Variants in GGNBP2 observed in about 807,000 individuals in gnomAD.
GGNBP2 encodes gametogenetin binding protein 2.
A neutral mutation model predicts 85.9 loss-of-function variants in GGNBP2; 10 were observed. That is an observed-to-expected ratio of 0.12 (90% CI 0.07 to 0.20). The LOEUF (loss-of-function observed/expected upper bound fraction) is 0.20, where lower values mean the gene tolerates loss of function less well. Ranked by LOEUF, GGNBP2 falls within the 10% of genes least tolerant of loss-of-function variation. The probability of loss-of-function intolerance (pLI) is 1.00; values close to 1 mark genes in which losing one functional copy is unlikely to be tolerated. For synonymous variants in GGNBP2, 287 were observed against 285.7 expected (o/e 1.00, Z -0.05); for missense variants, 595 against 857.8 (o/e 0.69, Z 3.83).
At chr17:36,571,317 G>A (rs762923482) in intron 6 of GGNBP2, among the ~76,000 whole-genome samples, 7 of 151,702 alleles carry the variant, frequency 4.6e-5, no homozygotes, top group African/African-American at 1.5e-4. Flanking sequence ...TTTGGGAGGC[G>A]GAGGTGGGTG....
intron 6 of GGNBP2, chr17:36,574,912 G>A (rs1481586720): frequency 4.4e-6 from 4 of 908,212 alleles, no homozygotes; most frequent in Non-Finnish European, 5.2e-6. Flanking sequence ...CCTCCTTGGA[G>A]CACTTAACAC....
chr17:36,585,664 C>A, intron 10 of GGNBP2, 176 bp from the exon 11 acceptor site: 1 of 627,756 alleles, frequency 1.6e-6, no homozygotes, highest in Non-Finnish European at 2.6e-6. Context: ...AATTCCTAAT[C>A]ATATTTTCAT....
intron 6 of GGNBP2, chr17:36,574,942 G>A: frequency 1.7e-6 from 2 of 1,182,976 alleles, no homozygotes; most frequent in Middle Eastern, 2.2e-4. Flanking sequence ...TGTGGCCATT[G>A]TAGTCCACGA....
At chr17:36,557,058 C>A (rs369517510) in intron 3 of GGNBP2, 25 bp from the exon 4 acceptor site, 1 of 1,612,878 alleles carries the variant, frequency 6.2e-7, no homozygotes, top group Middle Eastern at 1.6e-4. Flanking sequence ...AAAGGACACT[C>A]TTTCATTTTC....
At chr17:36,571,392 ATACAAAAAT>A (rs1463086449) in intron 6 of GGNBP2, among the ~76,000 whole-genome samples, 2 of 152,114 alleles carry the variant, frequency 1.3e-5, no homozygotes, top group African/African-American at 4.8e-5. Flanking sequence ...TCTACTAAAA[ATACAAAAAT>A]TAGCCGGGCT....
intron 4 of GGNBP2, among the ~76,000 whole-genome samples, chr17:36,558,123 AAG>A (rs1162269572): frequency 2.7e-4 from 38 of 139,314 alleles, no homozygotes; most frequent in Admixed American, 2.6e-3. Context: ...AAAAGAAAAA[AAG>A]AAGAGCGACT....
chr17:36,583,540 C>G (rs1480688614), intron 9 of GGNBP2, among the ~76,000 whole-genome samples: 10 of 152,060 alleles, frequency 6.6e-5, no homozygotes, highest in Admixed American at 6.6e-4. Flanking sequence ...TTCACCGTAA[C>G]TTCCTCCTCC....
In GGNBP2 at chr17:36,545,783, G is replaced by A; in HGVS notation, c.59G>A (p.Arg20Lys). The change falls in exon 2 of 14, where the codon AGG (arginine) becomes AAG (lysine). Residue 20 changes from arginine to lysine, a missense_variant. By Grantham distance (26) the Arg-to-Lys change is conservative (BLOSUM62 2). Around this residue, in one of 9 missense-constraint regions of GGNBP2, gnomAD observed 216 missense variants for 293.4 expected, o/e 0.74. Transcript: ENST00000613102. Reference sequence around the variant, plus strand: ...GAGGAGGAGTTCCCCTTCGAGAGGAGGCAGATTCCCCTCTACATAGACGAC... The same window carrying A: ...GAGGAGGAGTTCCCCTTCGAGAGGAAGCAGATTCCCCTCTACATAGACGAC... ...DGEEEFPFER[R>K]QIPLYIDDTL... The A allele has an allele frequency of 6.3e-7, 1 of 1,579,166 alleles. No homozygotes were observed. The highest frequency in any genetic ancestry group is 8.6e-7 in the Non-Finnish European group (1 of 1,163,010).
At chr17:36,577,914 A>G (rs1460094654) in intron 6 of GGNBP2, 69 bp from the exon 7 acceptor site, 1 of 1,212,532 alleles carries the variant, frequency 8.2e-7, no homozygotes, top group Non-Finnish European at 1.2e-6. Context: ...ATCATCTAGT[A>G]CACTGTTATA....
chr17:36,584,650 T>G (rs552513570), intron 9 of GGNBP2, among the ~76,000 whole-genome samples: 1 of 152,280 alleles, frequency 6.6e-6, no homozygotes, highest in African/African-American at 2.4e-5. Context: ...ACATAGACTG[T>G]CAAAAAGATT....
chr17:36,546,176 T>A lies in GGNBP2; in HGVS notation c.93+359T>A, dbSNP rs1318491896. ...TACCCCATACAGAAACCACCTACCC[T>A]CGGGGAGGCTTAATTACCTGGTAAT... On this transcript the variant is annotated intron_variant, in intron 2 of 13. Coordinates refer to ENST00000613102, the MANE Select transcript of GGNBP2 (RefSeq NM_024835.5). 7 of 396,220 alleles carry A rather than the reference T, an allele frequency of 1.8e-5. No homozygotes were observed. In the East Asian group the frequency reaches 2.5e-4, roughly 14 times the overall value. The allele number at this position is 396,220 out of a possible 1,614,324, so 24.5% of individuals were successfully genotyped here.
intron 13 of GGNBP2, among the ~76,000 whole-genome samples, chr17:36,588,343 C>T (rs562923590): frequency 7.9e-5 from 12 of 152,160 alleles, no homozygotes; most frequent in East Asian, 5.8e-4. Flanking sequence ...TCGCAACCTC[C>T]GCCTCCCAGG....
chr17:36,557,754 A>G (rs923310675), intron 4 of GGNBP2, among the ~76,000 whole-genome samples: 1 of 152,200 alleles, frequency 6.6e-6, no homozygotes, highest in Non-Finnish European at 1.5e-5. Flanking sequence ...TGTTTGAGGA[A>G]TAGTAAGGAA....
intron 12 of GGNBP2, 131 bp from the exon 13 acceptor site, chr17:36,586,866 G>C (rs1050389342): frequency 2.3e-6 from 2 of 851,144 alleles, no homozygotes; most frequent in East Asian, 5.4e-5. Context: ...TGATCCACCT[G>C]CCTCGGCCTC....
rs755309763 is a variant in GGNBP2 at position 36,586,141 on chromosome 17, A to C, written c.1584A>C (p.Thr528=). 6.2e-7 allele frequency: 1 copy of C among 1,614,054 alleles called. No homozygotes were observed. Among genetic ancestry groups the C allele is most frequent in the Admixed American group, 1.7e-5 (1 of 60,008 alleles). ...GGGCAAATTCTGAAGAGAACGACAC[A>C]AAAGGAAAAAATAAAAAGAAGAAGA... ...ECWANSEEND[T]KGKNKKKKKK... is the part of the protein sequence containing the mutation. The change falls in exon 12 of 14, where the codon ACA becomes ACC. Residue 528 remains threonine, a synonymous_variant. Coordinates refer to ENST00000613102, the MANE Select transcript of GGNBP2 (RefSeq NM_024835.5).
At chr17:36,580,734 T>C (rs1003370233) in intron 8 of GGNBP2, among the ~76,000 whole-genome samples, 15 of 149,580 alleles carry the variant, frequency 1.0e-4, no homozygotes, top group African/African-American at 3.7e-4. Flanking sequence ...AACCTGGCCA[T>C]GATGGCGAAA....
chr17:36,582,573 A>G (rs2074661998), intron 9 of GGNBP2: 1 of 152,126 alleles, frequency 6.6e-6, no homozygotes, highest in Non-Finnish European at 1.5e-5. Context: ...GCTTTTTGCT[A>G]GATTTGGGCA....
At chr17:36,561,022 T>C (rs1175192665) in intron 5 of GGNBP2, 151 bp downstream of exon 5, 6 of 474,594 alleles carry the variant, frequency 1.3e-5, no homozygotes, top group Non-Finnish European at 2.2e-5. Context: ...CCTCTTGTTA[T>C]GTTGGCCATT....
rs940324629 is a variant in GGNBP2, at chr17:36,567,681, A to G, written c.546A>G (p.Val182=). The G allele has an allele frequency of 8.2e-6, 13 of 1,592,446 alleles. No homozygotes were observed. The African/African-American group carries it at 1.1e-4, about 13-fold the overall frequency. The change falls in exon 6 of 14, where the codon GTA becomes GTG. Residue 182 remains valine (V), a synonymous_variant. Coordinates refer to ENST00000613102, the MANE Select transcript of GGNBP2 (RefSeq NM_024835.5). ...PKPLGGCWMD[V]WELMSQECRD... is the part of the protein sequence containing the mutation. ...TCTACAGAGGTTGTTGGATGGATGT[A>G]TGGGAACTAATGTCGCAGGAATGCA...
Sources: allele counts gnomAD v4.1 joint callset (sites outside exome capture counted in the v4.1 genomes callset), GRCh38; gene constraint gnomAD v4.1.1; regional missense constraint gnomAD v4.1.1; transcripts MANE v1.5; gene names NCBI Gene and HGNC (gene_info 2026-07-23, HGNC 2026-07-21).